The following SS18 variants were observed in gnomAD, a reference collection of about 807,000 sequenced individuals.
The protein encoded by SS18 is protein SSXT.
Under a neutral mutation model 72.5 loss-of-function variants are expected in SS18, and 28 were observed. That is an observed-to-expected ratio of 0.39 (90% CI 0.29 to 0.53). The LOEUF (loss-of-function observed/expected upper bound fraction) is 0.53, where lower values mean the gene tolerates loss of function less well. SS18 is among the 20% of genes least tolerant of loss of function. The probability of loss-of-function intolerance (pLI) is 0.76; values close to 1 mark genes in which losing one functional copy is unlikely to be tolerated. For synonymous variants in SS18, 172 were observed against 164.2 expected (o/e 1.05, Z -0.37); for missense variants, 518 against 535.3 (o/e 0.97, Z 0.32).
chr18:26,041,085 A>G (rs1367392008), intron 5 of SS18, among the ~76,000 whole-genome samples: 2 of 152,172 alleles, frequency 1.3e-5, no homozygotes, highest in East Asian at 3.8e-4. Context: ...TTTGAAGCAC[A>G]TGTTTGTTCT....
intron 2 of SS18, among the ~76,000 whole-genome samples, chr18:26,083,558 C>T (rs1176884914): frequency 6.6e-6 from 1 of 152,100 alleles, no homozygotes; most frequent in East Asian, 1.9e-4. Context: ...GGCTACAAAC[C>T]TGAAAAGCCT....
At chr18:26,086,054 T>C (rs2054610203) in intron 2 of SS18, 1 of 150,046 alleles carries the variant, frequency 6.7e-6, no homozygotes, top group Middle Eastern at 3.4e-3. Context: ...AAAAAAAAAA[T>C]GGATGGTTGT....
At chr18:26,043,656 T>C (rs111743938) in intron 5 of SS18, among the ~76,000 whole-genome samples, 190 of 152,236 alleles carry the variant, frequency 1.2e-3, no homozygotes, top group Admixed American at 2.2e-3. Flanking sequence ...CATCAAGAAT[T>C]TTTAGTAGTT....
intron 3 of SS18, among the ~76,000 whole-genome samples, chr18:26,061,063 C>G (rs930080038): frequency 6.6e-5 from 10 of 151,988 alleles, no homozygotes; most frequent in Non-Finnish European, 1.2e-4. Context: ...CCTGTAATCC[C>G]AGCACTTTGG....
At position 26,032,481 on chromosome 18, in the gene SS18, T is replaced by C; in HGVS notation, c.1148A>G (p.Gln383Arg). The C allele has an allele frequency of 6.2e-7, 1 of 1,613,910 alleles. No individual in the cohort carries two copies. Among genetic ancestry groups the C allele is most frequent in the African/African-American group, 1.3e-5 (1 of 74,996 alleles). Residue 383 changes from glutamine (Q) to arginine (R), a missense_variant, in exon 10 of 11, where the codon CAA (glutamine) becomes CGA (arginine). By Grantham distance (43) the Gln-to-Arg change is conservative. Transcript: ENST00000415083. Reference protein sequence around the residue: ...GPQYPNYPQGQGQQYGGYRPT... With the variant: ...GPQYPNYPQGRGQQYGGYRPT... ...TCTATATCCTCCATACTGCTGACCT[T>C]GTCCCTGTGGGTAGTTAGGATACTG... is the stretch of plus-strand genomic sequence containing the variant.
chr18:26,052,729 G>T lies in SS18; in HGVS notation c.502C>A (p.Pro168Thr). 6.2e-7 allele frequency: 1 copy of T among 1,613,796 alleles called. No homozygotes were observed. The change falls in exon 5 of 11, where the codon CCA becomes ACA. Residue 168 changes from proline to threonine, a missense_variant. Coordinates refer to ENST00000415083, the MANE Select transcript of SS18 (RefSeq NM_001007559.3). Reference protein sequence around the residue: ...GSMGGYNHSVPSSQSMPVQNQ... With the variant: ...GSMGGYNHSVTSSQSMPVQNQ... ...TGTACTGGCATGCTCTGTGATGATG[G>T]CACAGAATGGTTGTAACCTCCCATG...
At chr18:26,032,984 T>C (rs988308470) in intron 9 of SS18, among the ~76,000 whole-genome samples, 12 of 152,234 alleles carry the variant, frequency 7.9e-5, no homozygotes, top group African/African-American at 2.7e-4. Context: ...TCTAGATTTA[T>C]ATTTGCAATC....
intron 7 of SS18, among the ~76,000 whole-genome samples, chr18:26,036,205 TA>T (rs200528419): frequency 0.02 from 3,019 of 152,172 alleles, 88 homozygotes; most frequent in African/African-American, 0.069. Flanking sequence ...ATCTCCCATT[TA>T]AAAAAACAAA....
In SS18 at chr18:26,048,618, T is replaced by G. The variant is rs2053870607; in HGVS notation, c.607+4006A>C. Among the ~76,000 whole-genome samples the G allele has an allele frequency of 2.0e-5, 3 of 152,176 alleles. No individual in the cohort carries two copies. In the South Asian group the frequency reaches 6.2e-4, roughly 31 times the overall value. ...CTGTGGCAATACATGCTCTTTGCCC[T>G]TCATACTTATATAACGAATGTGAAC... On this transcript the variant is annotated intron_variant, in intron 5 of 10. Transcript: ENST00000415083.
intron 10 of SS18, among the ~76,000 whole-genome samples, chr18:26,026,960 T>C (rs1265669397): frequency 1.3e-5 from 2 of 152,108 alleles, no homozygotes. Context: ...AAAAAAAATT[T>C]TAAGGGACAT....
intron 10 of SS18, among the ~76,000 whole-genome samples, chr18:26,024,305 T>A (rs2053407679): frequency 6.6e-6 from 1 of 151,898 alleles, no homozygotes; most frequent in Non-Finnish European, 1.5e-5. Context: ...GAAAATGTTT[T>A]AAAATTAGAG....
At chr18:26,055,751 GTTTTT>G (rs201307664) in intron 4 of SS18, among the ~76,000 whole-genome samples, 1 of 126,782 alleles carries the variant, frequency 7.9e-6, no homozygotes, top group African/African-American at 2.8e-5. Context: ...AATTCTTTCT[GTTTTT>G]TTTTTTTTTG....
intron 10 of SS18, among the ~76,000 whole-genome samples, chr18:26,027,144 A>C (rs2053459340): frequency 6.6e-6 from 1 of 152,240 alleles, no homozygotes; most frequent in Admixed American, 6.5e-5. Context: ...ACAACTTTGT[A>C]TAAAAAGAAC....
At chr18:26,020,161 A>C (rs2143762828) in intron 10 of SS18, among the ~76,000 whole-genome samples, 1 of 152,342 alleles carries the variant, frequency 6.6e-6, no homozygotes, top group Non-Finnish European at 1.5e-5. Context: ...ATCTGAGTTT[A>C]AGTTCCAACT....
At chr18:26,054,623 T>G (rs2053982973) in intron 4 of SS18, among the ~76,000 whole-genome samples, 2 of 152,104 alleles carry the variant, frequency 1.3e-5, no homozygotes, top group South Asian at 4.1e-4. Context: ...AAGATATATC[T>G]TTGAGAAAGA....
chr18:26,084,673 G>A (rs1470210948), intron 2 of SS18, among the ~76,000 whole-genome samples: 1 of 152,134 alleles, frequency 6.6e-6, no homozygotes, highest in East Asian at 1.9e-4. Flanking sequence ...AAAGTGTATA[G>A]TGTGAATTTA....
chr18:26,084,079 G>A (rs771921657), intron 2 of SS18: 16 of 152,054 alleles, frequency 1.1e-4, no homozygotes, highest in Non-Finnish European at 2.2e-4. Flanking sequence ...ACCAGGATGA[G>A]CCTAGAACAT....
Position 26,039,380 on chromosome 18 carries a change from C to T in SS18, c.684G>A (p.Gln228=), listed in dbSNP as rs7240260. The change falls in exon 6 of 11, where the codon CAG becomes CAA. Residue 228 remains glutamine, a synonymous_variant. Transcript: ENST00000415083. ...PQGGGQHYQG[Q]QPPMGMMGQV... ...GACCCATCATTCCCATAGGTGGCTGCTGTCCTTGGTAATGCTGTCCGCCTC... is the reference window on the plus strand; with the variant it reads ...GACCCATCATTCCCATAGGTGGCTGTTGTCCTTGGTAATGCTGTCCGCCTC... 3.8e-3 allele frequency: 6,134 copies of T among 1,613,858 alleles called. 193 individuals are homozygous for T. In the African/African-American group the frequency reaches 0.07, roughly 18 times the overall value.
chr18:26,066,612 A>G (rs1046954793), intron 3 of SS18, among the ~76,000 whole-genome samples: 5 of 151,708 alleles, frequency 3.3e-5, no homozygotes, highest in African/African-American at 1.2e-4. Flanking sequence ...ACACACACAC[A>G]CACACACACA....
Sources: gnomAD v4.1 joint callset for allele counts (sites outside exome capture counted in the v4.1 genomes callset) on GRCh38, gnomAD v4.1.1 for gene constraint, MANE v1.5 for transcripts, NCBI Gene and HGNC (gene_info 2026-07-23, HGNC 2026-07-21) for gene names.